Variants in C16orf74 observed in about 807,000 individuals in gnomAD.
The protein encoded by C16orf74 is calcimembrin, also known as uncharacterized protein C16orf74.
C16orf74 carries 10 observed loss-of-function variants against 6.5 expected under a neutral mutation model. That is an observed-to-expected ratio of 1.54 (90% CI 0.95 to 2.61). C16orf74 has a LOEUF of 2.61. Among genes scored for constraint, C16orf74 ranks in the 30% most tolerant of loss-of-function variants. The pLI, the probability that C16orf74 is intolerant of heterozygous loss-of-function variation, is 0.00. For synonymous variants in C16orf74, 60 were observed against 42.5 expected (o/e 1.41, Z -1.60); for missense variants, 141 against 105.9 (o/e 1.33, Z -1.45).
intron 1 of C16orf74, among the ~76,000 whole-genome samples, chr16:85,741,375 A>C (rs1210514939): frequency 6.6e-6 from 1 of 152,120 alleles, no homozygotes; most frequent in Admixed American, 6.6e-5. Flanking sequence ...CTACCTCAAA[A>C]CACACAGGGG....
rs1485151709 is a variant in C16orf74, at chr16:85,736,485, G to A, written c.-18-1250C>T. 3.3e-5 allele frequency among the ~76,000 whole-genome samples: 5 copies of A among 152,272 alleles called. No individual in the cohort carries two copies. In the South Asian group the frequency reaches 8.3e-4, roughly 25 times the overall value. The stretch of plus-strand genomic sequence containing the variant: ...GAAGATGGCAGGCCAGGAAGGGTTT[G>A]GAGGAGAAGGAGCTGGAAGTCCAGG... On this transcript the variant is annotated intron_variant, in intron 1 of 3. Transcript: ENST00000284245.
chr16:85,734,389 C>T (rs2152063790), intron 2 of C16orf74, among the ~76,000 whole-genome samples: 1 of 152,292 alleles, frequency 6.6e-6, no homozygotes, highest in East Asian at 1.9e-4. Flanking sequence ...CCAGGCTTGG[C>T]TCAGCTCCCA....
chr16:85,727,017 G>C (rs142603469), intron 2 of C16orf74, among the ~76,000 whole-genome samples: 1 of 152,358 alleles, frequency 6.6e-6, no homozygotes, highest in Non-Finnish European at 1.5e-5. Flanking sequence ...CCAGCACTGA[G>C]TTAGCATTAA....
intron 1 of C16orf74, among the ~76,000 whole-genome samples, chr16:85,745,281 G>C (rs1191034389): frequency 6.6e-6 from 1 of 151,696 alleles, no homozygotes; most frequent in Non-Finnish European, 1.5e-5. Context: ...GGGGTGGCAA[G>C]ACAGACAGAC....
chr16:85,735,132 C>A (rs947636029), intron 2 of C16orf74, 58 bp downstream of exon 2: 3 of 1,539,806 alleles, frequency 1.9e-6, no homozygotes, highest in Non-Finnish European at 2.7e-6. Context: ...TCTCCTGCCC[C>A]CCAACCCAGC....
intron 2 of C16orf74, among the ~76,000 whole-genome samples, chr16:85,734,192 C>T (rs561550065): frequency 3.3e-5 from 5 of 152,278 alleles, no homozygotes; most frequent in Admixed American, 3.3e-4. Flanking sequence ...GTGAATTTGA[C>T]GAAGGAAATA....
chr16:85,707,923 C>T lies in C16orf74; in HGVS notation c.*85G>A, dbSNP rs1381822034. The T allele has an allele frequency of 8.2e-7, 1 of 1,222,938 alleles. No homozygotes were observed. The highest frequency in any genetic ancestry group is 1.2e-6 in the Non-Finnish European group (1 of 858,300). 75.8% of individuals were successfully genotyped at this position (1,222,938 alleles called of 1,614,324 possible). On this transcript the variant is annotated 3_prime_UTR_variant, in exon 4 of 4. Transcript: ENST00000284245. ...CAGTTCCCATCCAGGGTATTCAGCA[C>T]ACCTGCTCCAGGCAGCCACGCCCCC...
intron 1 of C16orf74, among the ~76,000 whole-genome samples, chr16:85,737,420 G>A (rs887427181): frequency 4.6e-5 from 7 of 152,124 alleles, no homozygotes; most frequent in African/African-American, 9.7e-5. Context: ...CTTTTCTTCC[G>A]GATTAGGTAA....
chr16:85,720,352 C>T (rs1324350725), intron 2 of C16orf74, among the ~76,000 whole-genome samples: 1 of 152,174 alleles, frequency 6.6e-6, no homozygotes, highest in African/African-American at 2.4e-5. Context: ...GCACTGACTG[C>T]ACTTCCTCCC....
chr16:85,728,043 CAGG>C (rs2054151855), intron 2 of C16orf74, among the ~76,000 whole-genome samples: 1 of 150,580 alleles, frequency 6.6e-6, no homozygotes, highest in Non-Finnish European at 1.5e-5. Flanking sequence ...GAGGCTGAGG[CAGG>C]AGAACCACTT....
intron 1 of C16orf74, among the ~76,000 whole-genome samples, chr16:85,736,092 G>C (rs1299550175): frequency 6.6e-6 from 1 of 152,166 alleles, no homozygotes; most frequent in Non-Finnish European, 1.5e-5. Context: ...CAGAGATCCA[G>C]AGGAAGATAA....
In C16orf74 at chr16:85,745,139, TAAAAAAAAAAA is replaced by T. The variant is rs10554549; in HGVS notation, c.-19+5776_-19+5786del. On this transcript the variant is annotated intron_variant, in intron 1 of 3. Transcript: ENST00000284245. ...CTGGGCAACAAGACGAAACTCTGTC[TAAAAAAAAAAA>T]AAAAAAAAAAAAAAAAAATCTCCCT... Among the ~76,000 whole-genome samples, 227 of 51,016 alleles carry T rather than the reference TAAAAAAAAAAA, an allele frequency of 4.4e-3. 2 individuals carry two copies. Among genetic ancestry groups the T allele is most frequent in the African/African-American group, 0.018 (206 of 11,154 alleles). 33.5% of individuals were successfully genotyped at this position (51,016 alleles called of 152,430 possible). A position where few individuals can be genotyped will look rare whatever the true frequency, so the allele number is the denominator to read the frequency against.
chr16:85,737,554 G>T (rs927632591), intron 1 of C16orf74, among the ~76,000 whole-genome samples: 4 of 152,188 alleles, frequency 2.6e-5, no homozygotes, highest in African/African-American at 9.7e-5. Context: ...TTACGCCTGG[G>T]CGCGGTGGCT....
rs1403253410 is a variant in C16orf74 at position 85,707,912 on chromosome 16, G to T, written c.*96C>A. ...CCGGGTTCGCTCAGTTCCCATCCAG[G>T]GTATTCAGCACACCTGCTCCAGGCA... On this transcript the variant is annotated 3_prime_UTR_variant, in exon 4 of 4. Transcript: ENST00000284245. 5 of 1,053,182 alleles carry T rather than the reference G, an allele frequency of 4.7e-6. No individual in the cohort carries two copies. The African/African-American group carries it at 7.9e-5, about 17-fold the overall frequency. 65.2% of individuals were successfully genotyped at this position (1,053,182 alleles called of 1,614,324 possible). A position where few individuals can be genotyped will look rare whatever the true frequency, so the allele number is the denominator to read the frequency against.
chr16:85,739,702 A>G (rs1417521681), intron 1 of C16orf74, among the ~76,000 whole-genome samples: 1 of 152,150 alleles, frequency 6.6e-6, no homozygotes, highest in Non-Finnish European at 1.5e-5. Flanking sequence ...CAGGAGACTG[A>G]GGTAGGAGGA....
At chr16:85,738,299 T>A (rs895298644) in intron 1 of C16orf74, among the ~76,000 whole-genome samples, 1 of 151,056 alleles carries the variant, frequency 6.6e-6, no homozygotes, top group Non-Finnish European at 1.5e-5. Context: ...TCTGGGGCAA[T>A]TGGTCTGGTG....
intron 1 of C16orf74, among the ~76,000 whole-genome samples, chr16:85,740,045 A>C (rs996183937): frequency 6.9e-6 from 1 of 145,110 alleles, no homozygotes; most frequent in African/African-American, 2.6e-5. Flanking sequence ...CCCCGTCTCT[A>C]CTAAAAATAC....
At chr16:85,750,673 C>G (rs953071352) in intron 1 of C16orf74, among the ~76,000 whole-genome samples, 1 of 152,146 alleles carries the variant, frequency 6.6e-6, no homozygotes, top group African/African-American at 2.4e-5. Flanking sequence ...CGGGGTCACA[C>G]CCCCACCGCC....
intron 1 of C16orf74, among the ~76,000 whole-genome samples, chr16:85,737,980 T>TAAAA (rs2054262858): frequency 7.0e-6 from 1 of 142,312 alleles, no homozygotes. Flanking sequence ...TTTTTTTTTT[T>TAAAA]AGCTCATCAG....
Sources: allele counts gnomAD v4.1 joint callset (sites outside exome capture counted in the v4.1 genomes callset), GRCh38; gene constraint gnomAD v4.1.1; transcripts MANE v1.5; gene names NCBI Gene and HGNC (gene_info 2026-07-23, HGNC 2026-07-21).